ANKRD31: variants seen among roughly 807,000 people sequenced by gnomAD.
The protein encoded by ANKRD31 is ankyrin repeat domain-containing protein 31.
In ANKRD31, 147 loss-of-function variants were observed where a neutral mutation model predicts 186.0. That is an observed-to-expected ratio of 0.79 (90% confidence interval 0.69 to 0.91). The LOEUF (loss-of-function observed/expected upper bound fraction) is 0.91. ANKRD31 is among the 40% of genes least tolerant of loss of function. ANKRD31 has a pLI of 0.00. For synonymous variants in ANKRD31, 673 were observed against 736.4 expected, an observed-to-expected ratio of 0.91 and a Z score of 1.39; for missense variants, 1,986 against 2,148.8, an observed-to-expected ratio of 0.92 and a Z score of 1.50.
At chr5:75,157,938 G>C (rs116669727) in intron 11 of ANKRD31, among the ~76,000 whole-genome samples, 456 of 152,294 alleles carry the variant, frequency 3.0e-3, no homozygotes, top group African/African-American at 0.011. Context: ...CAAGAACAGA[G>C]AGTTAGCAAT....
At chr5:75,219,172 C>T (rs1445374101) in intron 3 of ANKRD31, among the ~76,000 whole-genome samples, 1 of 152,004 alleles carries the variant, frequency 6.6e-6, no homozygotes, top group Non-Finnish European at 1.5e-5. Flanking sequence ...TAAAAGGCAT[C>T]CAAATAAAAA....
intron 17 of ANKRD31, among the ~76,000 whole-genome samples, chr5:75,137,053 A>G (rs1314880240): frequency 6.6e-6 from 1 of 152,140 alleles, no homozygotes; most frequent in Non-Finnish European, 1.5e-5. Context: ...TAGGAGATAT[A>G]CCTAATGTAA....
At chr5:75,177,125 G>A (rs1206252975) in intron 10 of ANKRD31, among the ~76,000 whole-genome samples, 1 of 152,206 alleles carries the variant, frequency 6.6e-6, no homozygotes, top group Non-Finnish European at 1.5e-5. Flanking sequence ...TTGGAAGAAA[G>A]GGTATCAGCG....
chr5:75,214,655 T>C (rs934989990), intron 3 of ANKRD31, among the ~76,000 whole-genome samples: 1 of 152,232 alleles, frequency 6.6e-6, no homozygotes, highest in African/African-American at 2.4e-5. Context: ...CAAGGTTCTC[T>C]TTAATGCTCA....
intron 12 of ANKRD31, among the ~76,000 whole-genome samples, chr5:75,150,819 T>A (rs1580437197): frequency 6.6e-6 from 1 of 152,034 alleles, no homozygotes; most frequent in South Asian, 2.1e-4. Context: ...TTTAAAAATA[T>A]ACTTTTGCCT....
intron 23 of ANKRD31, among the ~76,000 whole-genome samples, chr5:75,086,686 G>T (rs1245974628): frequency 6.6e-6 from 1 of 152,208 alleles, no homozygotes; most frequent in African/African-American, 2.4e-5. Context: ...GTTCGGTGAG[G>T]ATATCTGTAG....
rs1304751068 is a variant in ANKRD31, at chr5:75,104,414, T to A, written c.5145A>T (p.Ser1715=). ...CATCTGCACATGGAACAACAGAAAC[T>A]GATTTTTTAAGATATGGTTTCATCT... ...VHQMKPYLKK[S]VSVVPCADDS... is the part of the protein sequence containing the mutation. Residue 1715 remains serine, a synonymous_variant, in exon 22 of 26, where the codon TCA becomes TCT. Transcript: ENST00000506364. The A allele has an allele frequency of 6.5e-7, 1 of 1,537,230 alleles. No homozygotes were observed. Among genetic ancestry groups the A allele is most frequent in the Admixed American group, 2.0e-5 (1 of 50,998 alleles).
rs112833629 is a variant in ANKRD31, at chr5:75,162,776, C to T, written c.1707+6203G>A. Among the ~76,000 whole-genome samples, 1,292 of 152,210 alleles carry T rather than the reference C, an allele frequency of 8.5e-3. 19 individuals carry two copies. Among genetic ancestry groups the T allele is most frequent in the African/African-American group, 0.028 (1,183 of 41,514 alleles). ...CTCATGTTATGTTTTAATGAAAAAT[C>T]TACTTAGATACCACAGCCCAGGTGC... On this transcript the variant is annotated intron_variant, in intron 11 of 25. Coordinates refer to ENST00000506364, the MANE Select transcript of ANKRD31 (RefSeq NM_001372053.1).
At chr5:75,210,540 T>C (rs1480885394) in intron 4 of ANKRD31, among the ~76,000 whole-genome samples, 1 of 152,220 alleles carries the variant, frequency 6.6e-6, no homozygotes, top group Non-Finnish European at 1.5e-5. Context: ...TCTTCCTTCA[T>C]GCCATGCTTT....
intron 11 of ANKRD31, among the ~76,000 whole-genome samples, chr5:75,165,997 C>T (rs996731705): frequency 6.6e-6 from 1 of 152,032 alleles, no homozygotes; most frequent in African/African-American, 2.4e-5. Flanking sequence ...GAAATGATAT[C>T]GCGAGTATGA....
chr5:75,188,000 A>C (rs922487728), intron 10 of ANKRD31, among the ~76,000 whole-genome samples: 2 of 152,142 alleles, frequency 1.3e-5, no homozygotes, highest in Admixed American at 6.6e-5. Flanking sequence ...CCAGTGACCC[A>C]GCCTTGCAGA....
At chr5:75,227,705 T>C (rs1027897750) in intron 2 of ANKRD31, among the ~76,000 whole-genome samples, 2 of 152,176 alleles carry the variant, frequency 1.3e-5, no homozygotes, top group African/African-American at 2.4e-5. Context: ...CATTTTCCCT[T>C]CTCTATTCCT....
intron 11 of ANKRD31, among the ~76,000 whole-genome samples, chr5:75,163,532 G>T (rs185977255): frequency 3.3e-4 from 50 of 152,296 alleles, no homozygotes; most frequent in African/African-American, 1.2e-3. Context: ...TAAATTGTAT[G>T]TTGTGTGCCA....
At chr5:75,085,066 G>A (rs899566602) in intron 23 of ANKRD31, among the ~76,000 whole-genome samples, 2 of 152,086 alleles carry the variant, frequency 1.3e-5, no homozygotes, top group African/African-American at 4.8e-5. Flanking sequence ...ACCTCCAGAG[G>A]TTAGTTCACT....
chr5:75,105,456 T>A (rs1747260515), intron 21 of ANKRD31, among the ~76,000 whole-genome samples: 1 of 152,186 alleles, frequency 6.6e-6, no homozygotes, highest in East Asian at 1.9e-4. Flanking sequence ...GTGCCCTTTT[T>A]TTAAGGAGGT....
chr5:75,226,350 C>G (rs565772210), intron 2 of ANKRD31, among the ~76,000 whole-genome samples: 7 of 152,206 alleles, frequency 4.6e-5, no homozygotes, highest in Middle Eastern at 6.8e-3. Context: ...TTGGGCAAGA[C>G]TCAGTACCGT....
At chr5:75,121,812 G>A (rs879450153) in intron 17 of ANKRD31, among the ~76,000 whole-genome samples, 2 of 152,184 alleles carry the variant, frequency 1.3e-5, no homozygotes, top group South Asian at 2.1e-4. Context: ...CCAAAGCAGC[G>A]CTAAGAGGGA....
chr5:75,136,036 A>T (rs1750545419), intron 17 of ANKRD31, among the ~76,000 whole-genome samples: 1 of 152,224 alleles, frequency 6.6e-6, no homozygotes, highest in Admixed American at 6.5e-5. Context: ...TTAAAGACTT[A>T]AATGTAGACC....
intron 17 of ANKRD31, among the ~76,000 whole-genome samples, chr5:75,132,597 A>C (rs1227970897): frequency 6.6e-6 from 1 of 152,210 alleles, no homozygotes; most frequent in African/African-American, 2.4e-5. Context: ...ACTCTGCAGG[A>C]TATTATCCAG....
Sources: allele counts gnomAD v4.1 joint callset (sites outside exome capture counted in the v4.1 genomes callset), GRCh38; gene constraint gnomAD v4.1.1; transcripts MANE v1.5; gene names NCBI Gene and HGNC (gene_info 2026-07-23, HGNC 2026-07-21).